Variants in EIF3A observed in about 807,000 individuals in gnomAD.
The protein encoded by EIF3A is eukaryotic translation initiation factor 3 subunit A.
EIF3A carries 21 observed loss-of-function variants against 186.6 expected under a neutral mutation model. The ratio of observed to expected loss-of-function variants is 0.11; its 90% CI spans 0.08 to 0.16. EIF3A has a LOEUF of 0.16. EIF3A is among the 10% of genes least tolerant of loss of function. EIF3A has a pLI of 1.00. For missense variants in EIF3A, 1,306 were observed against 1,796.3 expected, an observed-to-expected ratio of 0.73 and a Z score of 4.93; for synonymous variants, 563 against 584.3, an observed-to-expected ratio of 0.96 and a Z score of 0.52.
chr10:119,059,532 G>A (rs1843847471), intron 10 of EIF3A, 70 bp downstream of exon 10: 3 of 1,379,038 alleles, frequency 2.2e-6, no homozygotes, highest in Non-Finnish European at 3.1e-6. Context: ...ACCAAAAGCT[G>A]AGAAACAGAA....
rs1042405010 is a variant in EIF3A at position 119,033,883 on chromosome 10, A to AC, written c.*2155_*2156insG. On this transcript the variant is annotated 3_prime_UTR_variant, in exon 22 of 22. Coordinates refer to ENST00000369144, the MANE Select transcript of EIF3A (RefSeq NM_003750.4). ...TCAGTGTCTTTGGTTAAAAAAAAAA[A>AC]AAAACACAGGCAGTTCTTTACATAA... The AC allele has an allele frequency of 5.1e-4, 86 of 167,018 alleles. No individual in the cohort carries two copies. The highest frequency in any genetic ancestry group is 2.0e-3 in the African/African-American group (83 of 41,528). The allele number at this position is 167,018 out of a possible 1,614,324, so 10.3% of individuals were successfully genotyped here.
chr10:119,066,426 T>G (rs1276667075), intron 6 of EIF3A, among the ~76,000 whole-genome samples: 23 of 127,816 alleles, frequency 1.8e-4, no homozygotes, highest in Admixed American at 6.7e-4. Context: ...GGAGAATCAG[T>G]TGAACCCAGG....
At chr10:119,080,286 C>G (rs1264502050) in intron 1 of EIF3A, 1 of 984,328 alleles carries the variant, frequency 1.0e-6, no homozygotes, top group East Asian at 1.1e-4. Context: ...GACCAAAGCC[C>G]CAGGGACCTG....
chr10:119,065,407 T>C lies in EIF3A; in HGVS notation c.1114A>G (p.Asn372Asp), dbSNP rs997335180. Residue 372 changes from asparagine (N) to aspartate (D), a missense_variant, in exon 7 of 22, where the codon AAT (asparagine) becomes GAT (aspartate). Asn to Asp is a conservative substitution (Grantham distance 23, BLOSUM62 1). Coordinates refer to ENST00000369144, the MANE Select transcript of EIF3A (RefSeq NM_003750.4). ...QAPPTRIGLI[N>D]DMVRFNVLQY... ...CTCAAATTAATACTAACCATATCATTAATAAGGCCAATTCGTGTCGGTGGG... is the reference window on the plus strand; with the variant it reads ...CTCAAATTAATACTAACCATATCATCAATAAGGCCAATTCGTGTCGGTGGG... The C allele has an allele frequency of 1.9e-6, 3 of 1,610,270 alleles. No individual in the cohort carries two copies. The highest frequency in any genetic ancestry group is 2.5e-6 in the Non-Finnish European group (3 of 1,178,020).
At position 119,076,487 on chromosome 10, in the gene EIF3A, C is replaced by CA. The variant is rs930006868; in HGVS notation, c.50-2551dup. Reference sequence around the variant, plus strand: ...TCTTTCGCTGACTCCATCTTACTATCAAAAAAAAAACTTACTAAATGAAAC... The same window carrying CA: ...TCTTTCGCTGACTCCATCTTACTATCAAAAAAAAAAACTTACTAAATGAAAC... On this transcript the variant is annotated intron_variant, in intron 1 of 21. Transcript: ENST00000369144. Among the ~76,000 whole-genome samples, 85 of 105,702 alleles carry CA rather than the reference C, an allele frequency of 8.0e-4. 1 individual carries two copies. Among genetic ancestry groups the CA allele is most frequent in the Admixed American group, 3.5e-3 (26 of 7,438 alleles). 69.3% of individuals were successfully genotyped at this position (105,702 alleles called of 152,430 possible). A position where few individuals can be genotyped will look rare whatever the true frequency, so the allele number is the denominator to read the frequency against.
At chr10:119,073,087 A>G (rs1844104698) in intron 3 of EIF3A, 34 bp from the exon 4 acceptor site, 1 of 1,569,772 alleles carries the variant, frequency 6.4e-7, no homozygotes, top group Non-Finnish European at 8.6e-7. Flanking sequence ...ACAATTTTAG[A>G]CAGTTTCCTA....
Position 119,060,790 on chromosome 10 carries a change from C to T in EIF3A, c.1282G>A (p.Val428Met). The T allele has an allele frequency of 1.9e-6, 3 of 1,612,350 alleles. No individual in the cohort carries two copies. The highest frequency in any genetic ancestry group is 2.5e-6 in the Non-Finnish European group (3 of 1,179,312). Residue 428 changes from valine (V) to methionine (M), a missense_variant, in exon 9 of 22, where the codon GTG (valine) becomes ATG (methionine). Coordinates refer to ENST00000369144, the MANE Select transcript of EIF3A (RefSeq NM_003750.4). ...ATGGTGTTGTTTTGCAGTTGTGGCA[C>T]ATACTGCTGCAATTCCGGTTCCTTT... ...PEKEPELQQY[V>M]PQLQNNTILR...
At chr10:119,059,771 T>C in intron 9 of EIF3A, 53 bp from the exon 10 acceptor site, 1 of 1,145,158 alleles carries the variant, frequency 8.7e-7, no homozygotes, top group Admixed American at 1.7e-5. Context: ...TTCAGCACTT[T>C]TTATGTGCAA....
chr10:119,062,669 C>T (rs1458904136), intron 7 of EIF3A, among the ~76,000 whole-genome samples: 2 of 151,940 alleles, frequency 1.3e-5, no homozygotes, highest in African/African-American at 4.8e-5. Flanking sequence ...AATTCTACTT[C>T]CAGCCAATTG....
intron 16 of EIF3A, 69 bp downstream of exon 16, chr10:119,050,452 A>T (rs1295818196): frequency 4.1e-6 from 6 of 1,463,882 alleles, no homozygotes; most frequent in Non-Finnish European, 5.6e-6. Context: ...TCTACATAAG[A>T]TCACTAAAAA....
At position 119,042,630 on chromosome 10, in the gene EIF3A, C is replaced by T. The variant is rs745318119; in HGVS notation, c.2890G>A (p.Asp964Asn). Residue 964 changes from aspartate (D) to asparagine (N), a missense_variant, in exon 19 of 22, where the codon GAT (aspartate) becomes AAT (asparagine). By Grantham distance (23) the Asp-to-Asn change is conservative. This residue lies in a region of EIF3A where 410 missense variants were observed against 473.5 expected (regional missense o/e 0.87). Transcript: ENST00000369144. This position sits in a 1 kb window ranked among gnomAD's most constrained non-coding sequence, Gnocchi z 7.8. The stretch of plus-strand genomic sequence containing the variant: ...GGACCACGTCTAGGGCCTCTGTCAT[C>T]ATCCATGCCACGCCGGGGAACCCGA... ...DDRVPRRGMD[D>N]DRGPRRGPEE... 1 of 1,614,196 alleles carries T rather than the reference C, an allele frequency of 6.2e-7. No individual in the cohort carries two copies. The highest frequency in any genetic ancestry group is 1.6e-4 in the Middle Eastern group (1 of 6,062).
chr10:119,066,439 G>A (rs922264483), intron 6 of EIF3A, among the ~76,000 whole-genome samples: 1 of 143,250 alleles, frequency 7.0e-6, no homozygotes, highest in Non-Finnish European at 1.5e-5. Flanking sequence ...AACCCAGGAG[G>A]CGGAGGGTGC....
rs372201993 is a variant in EIF3A at position 119,049,847 on chromosome 10, C to T, written c.2612G>A (p.Arg871His). 9.9e-6 allele frequency: 16 copies of T among 1,614,190 alleles called. No individual in the cohort carries two copies. The highest frequency in any genetic ancestry group is 1.3e-5 in the Non-Finnish European group (15 of 1,180,006). ...RELEIEERER[R>H]REEERRLGDS... ...GCCAAGTCTTCTCTCTTCCTCTCTA[C>T]GCCGTTCTCGTTCTTCAATTTCCAA... Residue 871 changes from arginine (R) to histidine (H), a missense_variant, in exon 17 of 22, where the codon CGT (arginine) becomes CAT (histidine). By Grantham distance (29) the Arg-to-His change is conservative. This residue lies in a region of EIF3A where 410 missense variants were observed against 473.5 expected (regional missense o/e 0.87). Coordinates refer to ENST00000369144, the MANE Select transcript of EIF3A (RefSeq NM_003750.4).
Position 119,042,705 on chromosome 10 carries a change from G to A in EIF3A, c.2815C>T (p.Arg939Cys), listed in dbSNP as rs769486420. The change falls in exon 19 of 22, where the codon CGT becomes TGT. Residue 939 changes from arginine (R) to cysteine (C), a missense_variant. Transcript: ENST00000369144. The surrounding 1 kb of genome is among the most constrained non-coding windows in gnomAD (Gnocchi z 7.8). ...SHRRDEERPRRLGDDEDREPS... is the reference protein window; with the variant it reads ...SHRRDEERPRCLGDDEDREPS... ...TCTCTATCTTCATCATCCCCCAGAC[G>A]CCGGGGCCGCTCTTCATCTCTTCTA... The A allele has an allele frequency of 5.0e-6, 8 of 1,613,704 alleles. No individual in the cohort carries two copies. Among genetic ancestry groups the A allele is most frequent in the African/African-American group, 1.3e-5 (1 of 74,902 alleles).
chr10:119,065,045 C>T (rs1396435770), intron 7 of EIF3A, among the ~76,000 whole-genome samples: 2 of 151,672 alleles, frequency 1.3e-5, no homozygotes, highest in African/African-American at 4.8e-5. Flanking sequence ...CATACTAATA[C>T]ACCTAGCCTC....
intron 19 of EIF3A, among the ~76,000 whole-genome samples, chr10:119,041,138 A>C (rs1490920592): frequency 6.6e-6 from 1 of 151,986 alleles, no homozygotes; most frequent in Non-Finnish European, 1.5e-5. Context: ...AGATCATACC[A>C]CTGCACTCCA....
intron 19 of EIF3A, among the ~76,000 whole-genome samples, chr10:119,040,429 G>A (rs890501595): frequency 3.3e-5 from 5 of 152,210 alleles, no homozygotes; most frequent in Non-Finnish European, 7.3e-5. Flanking sequence ...GAATCAGAGG[G>A]ATGGGTGGGC....
intron 17 of EIF3A, among the ~76,000 whole-genome samples, chr10:119,048,363 T>A (rs524889): frequency 1 from 152,164 of 152,274 alleles, 76,028 homozygotes; most frequent in Middle Eastern, 1. Flanking sequence ...AAGGAAGAGT[T>A]GGTTCAAAGC....
intron 20 of EIF3A, among the ~76,000 whole-genome samples, chr10:119,037,647 A>C (rs1209892150): frequency 6.6e-6 from 1 of 152,200 alleles, no homozygotes; most frequent in Non-Finnish European, 1.5e-5. Flanking sequence ...TCTTCCTTGA[A>C]GAAAATTGCA....
Sources: gnomAD v4.1 joint callset for allele counts (sites outside exome capture counted in the v4.1 genomes callset) on GRCh38, gnomAD v4.1.1 for gene constraint, gnomAD v4.1.1 regional missense constraint, Gnocchi (gnomAD v3.1) non-coding constraint, MANE v1.5 for transcripts, NCBI Gene and HGNC (gene_info 2026-07-23, HGNC 2026-07-21) for gene names.